FABP7: variants seen among roughly 807,000 people sequenced by gnomAD.
FABP7 encodes the protein fatty acid binding protein 7, also known as fatty acid-binding protein, brain.
FABP7 carries 13 observed loss-of-function variants against 14.2 expected under a neutral mutation model. The ratio of observed to expected loss-of-function variants is 0.91; its 90% CI spans 0.59 to 1.45. The LOEUF (loss-of-function observed/expected upper bound fraction) is 1.45, where lower values mean the gene tolerates loss of function less well. Ranked by LOEUF, FABP7 falls within the 40% of genes most tolerant of loss-of-function variation. FABP7 has a pLI of 0.00. For synonymous variants in FABP7, 49 were observed against 51.4 expected (o/e 0.95, Z 0.20); for missense variants, 149 against 157.6 (o/e 0.95, Z 0.29).
chr6:122,763,166 G>A, the FABP7 span, among the ~76,000 whole-genome samples: 1 of 152,116 alleles, frequency 6.6e-6, no homozygotes, highest in Non-Finnish European at 1.5e-5. Flanking sequence ...AACCAAAACA[G>A]CATGGTACTG....
At chr6:122,783,454 A>G in intron 3 of FABP7, 1 of 985,440 alleles carries the variant, frequency 1.0e-6, no homozygotes, top group Non-Finnish European at 1.2e-6. Context: ...CTGCTCAATT[A>G]CCCTGATAAT....
the FABP7 span, among the ~76,000 whole-genome samples, chr6:122,756,259 C>T: frequency 1.3e-5 from 2 of 152,188 alleles, no homozygotes; most frequent in African/African-American, 4.8e-5. Flanking sequence ...TGCAAAACCT[C>T]CTGGCCTTCC....
upstream of FABP7, among the ~76,000 whole-genome samples, chr6:122,775,751 A>G (rs1332701035): frequency 1.3e-5 from 2 of 152,088 alleles, no homozygotes; most frequent in African/African-American, 2.4e-5. Context: ...GAGAAAACCT[A>G]CAGAATGGAA....
At chr6:122,751,857 T>G in the FABP7 span, among the ~76,000 whole-genome samples, 3 of 152,114 alleles carry the variant, frequency 2.0e-5, no homozygotes, top group African/African-American at 4.8e-5. Context: ...GCTCTCTTGC[T>G]TCCTCCCCAT....
the FABP7 span, among the ~76,000 whole-genome samples, chr6:122,763,120 G>A: frequency 6.6e-6 from 1 of 152,116 alleles, no homozygotes; most frequent in South Asian, 2.1e-4. Flanking sequence ...GAGATACCAT[G>A]CTACCTGACT....
the FABP7 span, among the ~76,000 whole-genome samples, chr6:122,767,455 C>T: frequency 6.1e-4 from 92 of 151,968 alleles, no homozygotes; most frequent in Non-Finnish European, 1.1e-3. Context: ...TAGAGGACTT[C>T]GGTAAATCAC....
chr6:122,777,104 T>A (rs1160326040), upstream of FABP7, among the ~76,000 whole-genome samples: 5 of 152,222 alleles, frequency 3.3e-5, no homozygotes, highest in African/African-American at 1.2e-4. Flanking sequence ...AGGGCTAAGA[T>A]GAAGATATCT....
intron 2 of FABP7, 152 bp downstream of exon 2, chr6:122,780,615 C>T: frequency 1.3e-6 from 1 of 798,724 alleles, no homozygotes. Context: ...GTTTAATGTG[C>T]ATATGTTATA....
chr6:122,761,923 A>G, the FABP7 span, among the ~76,000 whole-genome samples: 1 of 152,232 alleles, frequency 6.6e-6, no homozygotes, highest in Admixed American at 6.5e-5. Flanking sequence ...AAAATGGTCC[A>G]GGACCAGACG....
intron 1 of FABP7, 23 bp from the exon 2 acceptor site, chr6:122,780,268 T>A: frequency 1.2e-6 from 2 of 1,613,704 alleles, no homozygotes; most frequent in Non-Finnish European, 1.7e-6. Context: ...CTGCAGACTG[T>A]ACTGTTCCCT....
chr6:122,760,468 CTGT>C, the FABP7 span, among the ~76,000 whole-genome samples: 6 of 151,140 alleles, frequency 4.0e-5, no homozygotes, highest in South Asian at 2.1e-4. Context: ...AATTTGGGGC[CTGT>C]TGTTGTTTTT....
intron 2 of FABP7, 140 bp from the exon 3 acceptor site, chr6:122,780,953 A>C: frequency 1.0e-6 from 1 of 984,612 alleles, no homozygotes; most frequent in Non-Finnish European, 1.4e-6. Context: ...AAAATCTAGA[A>C]GTAATAGAAA....
At position 122,780,360 on chromosome 6, in the gene FABP7, A is replaced by G. The variant is rs1582518997; in HGVS notation, c.143A>G (p.Asp48Gly). The G allele has an allele frequency of 2.5e-6, 4 of 1,614,156 alleles. No homozygotes were observed. Among genetic ancestry groups the G allele is most frequent in the Middle Eastern group, 3.3e-4 (2 of 6,062 alleles). The change falls in exon 2 of 4, where the codon GAC becomes GGC. Residue 48 changes from aspartate to glycine, a missense_variant. Asp to Gly is a moderately conservative substitution (Grantham distance 94, BLOSUM62 -1). Coordinates refer to ENST00000368444, the MANE Select transcript of FABP7 (RefSeq NM_001446.5). ...ACGGTAATTATCAGTCAAGAAGGAG[A>G]CAAAGTGGTCATCAGGACTCTCAGC... is the stretch of plus-strand genomic sequence containing the variant. ...KPTVIISQEG[D>G]KVVIRTLSTF...
chr6:122,780,160 T>C (rs1178042079), intron 1 of FABP7, 131 bp from the exon 2 acceptor site: 1 of 1,011,522 alleles, frequency 9.9e-7, no homozygotes, highest in Non-Finnish European at 1.5e-6. Flanking sequence ...TTTTACATGA[T>C]TAATGGGCTA....
chr6:122,756,583 T>C, the FABP7 span, among the ~76,000 whole-genome samples: 5 of 152,252 alleles, frequency 3.3e-5, no homozygotes, highest in African/African-American at 7.2e-5. Context: ...GCTTTGTTCC[T>C]TCAATCCTCT....
At chr6:122,776,850 A>G (rs1294229315), upstream of FABP7, among the ~76,000 whole-genome samples, 2 of 152,176 alleles carry the variant, frequency 1.3e-5, no homozygotes, top group East Asian at 3.9e-4. Flanking sequence ...TTTTTCTAAA[A>G]TTTCTGGTAC....
At chr6:122,763,546 A>C in the FABP7 span, among the ~76,000 whole-genome samples, 1 of 152,210 alleles carries the variant, frequency 6.6e-6, no homozygotes, top group Non-Finnish European at 1.5e-5. Flanking sequence ...AATGGGATCT[A>C]ATTAAACTAA....
chr6:122,757,625 T>C, the FABP7 span, among the ~76,000 whole-genome samples: 3 of 151,720 alleles, frequency 2.0e-5, no homozygotes, highest in Non-Finnish European at 4.4e-5. Context: ...TAGATACACA[T>C]GAGAAGTTGA....
chr6:122,781,742 T>C (rs1780793508), intron 3 of FABP7: 6 of 501,716 alleles, frequency 1.2e-5, no homozygotes, highest in Non-Finnish European at 1.2e-5. Context: ...TGATAACCCT[T>C]TTTTTTTTTT....
Sources: allele counts gnomAD v4.1 joint callset (sites outside exome capture counted in the v4.1 genomes callset), GRCh38; gene constraint gnomAD v4.1.1; transcripts MANE v1.5; gene names NCBI Gene and HGNC (gene_info 2026-07-23, HGNC 2026-07-21).